Variants in MAP3K4 observed in about 807,000 individuals in gnomAD.
The protein encoded by MAP3K4 is mitogen-activated protein kinase kinase kinase 4.
MAP3K4 carries 67 observed loss-of-function variants against 185.6 expected under a neutral mutation model. The ratio of observed to expected loss-of-function variants is 0.36; its 90% confidence interval spans 0.30 to 0.44. The LOEUF (loss-of-function observed/expected upper bound fraction) is 0.44, where lower values mean the gene tolerates loss of function less well. MAP3K4 is among the 20% of genes least tolerant of loss of function. The pLI is 1.00. For synonymous variants in MAP3K4, 702 were observed against 710.4 expected, an observed-to-expected ratio of 0.99 and a Z score of 0.19; for missense variants, 1,551 against 1,995.1, an observed-to-expected ratio of 0.78 and a Z score of 4.24.
In MAP3K4 at chr6:161,071,451, A is replaced by G. The variant is rs1784939597; in HGVS notation, c.1950+601A>G. On this transcript the variant is annotated intron_variant, in intron 4 of 26. Transcript: ENST00000392142. The surrounding 1 kb of genome is among the most constrained non-coding windows in gnomAD (Gnocchi z 4.6). The stretch of plus-strand genomic sequence containing the variant: ...TATTGATATTCACCATATAAAGTAA[A>G]AATTTCCAGACCTTGTCCCCAAAAG... Among the ~76,000 whole-genome samples the G allele has an allele frequency of 6.6e-6, 1 of 152,166 alleles. No homozygotes were observed. The highest frequency in any genetic ancestry group is 2.1e-4 in the South Asian group (1 of 4,820).
chr6:161,061,580 CT>C lies in MAP3K4; in HGVS notation c.1708-9027del, dbSNP rs1784487443. 1.3e-5 allele frequency among the ~76,000 whole-genome samples: 2 copies of C among 152,204 alleles called. No homozygotes were observed. The highest frequency in any genetic ancestry group is 4.1e-4 in the South Asian group (2 of 4,832). On this transcript the variant is annotated intron_variant, in intron 3 of 26. Coordinates refer to ENST00000392142, the MANE Select transcript of MAP3K4 (RefSeq NM_005922.4). The surrounding 1 kb of genome is among the most constrained non-coding windows in gnomAD (Gnocchi z 4.2). Reference sequence around the variant, plus strand: ...TAACTTTGGAACATTTTCATTGCCCCTAAAAGAAGTCCTGTACCCTTTAGCT... The same window carrying C: ...TAACTTTGGAACATTTTCATTGCCCCAAAAGAAGTCCTGTACCCTTTAGCT...
chr6:161,034,600 T>A lies in MAP3K4; in HGVS notation c.343+151T>A. 1 of 639,936 alleles carries A rather than the reference T, an allele frequency of 1.6e-6. No homozygotes were observed. Among genetic ancestry groups the A allele is most frequent in the Non-Finnish European group, 2.6e-6 (1 of 383,916 alleles). The allele number at this position is 639,936 out of a possible 1,614,324, so 39.6% of individuals were successfully genotyped here. ...TTTTTTTGAATTATTACCATTAGTATTAATAAAATTGACACATAGTTTTCC... is the reference window on the plus strand; with the variant it reads ...TTTTTTTGAATTATTACCATTAGTAATAATAAAATTGACACATAGTTTTCC... On this transcript the variant is annotated intron_variant, in intron 2 of 26. Coordinates refer to ENST00000392142, the MANE Select transcript of MAP3K4 (RefSeq NM_005922.4). The surrounding 1 kb of genome is among the most constrained non-coding windows in gnomAD (Gnocchi z 4.4).
At chr6:161,041,926 C>G (rs11756924) in intron 2 of MAP3K4, among the ~76,000 whole-genome samples, 1 of 45,180 alleles carries the variant, frequency 2.2e-5, no homozygotes, top group Non-Finnish European at 4.9e-5. Context: ...TTTTTTTTTT[C>G]TTTTTTTTTT....
At position 161,074,507 on chromosome 6, in the gene MAP3K4, C is replaced by T. The variant is rs1160735032; in HGVS notation, c.2097+895C>T. Among the ~76,000 whole-genome samples the T allele has an allele frequency of 6.6e-6, 1 of 152,154 alleles. No individual in the cohort carries two copies. Among genetic ancestry groups the T allele is most frequent in the Non-Finnish European group, 1.5e-5 (1 of 68,016 alleles). ...TATACCTTCTTTGAACTCTTTTTAG[C>T]AGTTACAGTTAGAACTATATGGTTT... On this transcript the variant is annotated intron_variant, in intron 5 of 26. Coordinates refer to ENST00000392142, the MANE Select transcript of MAP3K4 (RefSeq NM_005922.4). This position sits in a 1 kb window ranked among gnomAD's most constrained non-coding sequence, Gnocchi z 5.0.
rs1451651997 is a variant in MAP3K4, at chr6:161,103,335, CT to C, written c.3856+558del. Among the ~76,000 whole-genome samples, 1 of 152,204 alleles carries C rather than the reference CT, an allele frequency of 6.6e-6. No individual in the cohort carries two copies. Among genetic ancestry groups the C allele is most frequent in the Non-Finnish European group, 1.5e-5 (1 of 68,032 alleles). ...ATGAGAGGGTGAGGACCAGAAGGCA[CT>C]TGTCTCAAGTCTAGCGCACTCCATG... On this transcript the variant is annotated intron_variant, in intron 19 of 26. Coordinates refer to ENST00000392142, the MANE Select transcript of MAP3K4 (RefSeq NM_005922.4). This position sits in a 1 kb window ranked among gnomAD's most constrained non-coding sequence, Gnocchi z 4.6.
intron 3 of MAP3K4, among the ~76,000 whole-genome samples, chr6:161,065,895 G>A (rs972489887): frequency 1.7e-5 from 2 of 119,698 alleles, no homozygotes; most frequent in East Asian, 2.6e-4. Context: ...CCGAGATCGC[G>A]CCACTGCACT....
Position 161,087,979 on chromosome 6 carries a change from G to A in MAP3K4, c.2823+25G>A. ...GGTACAGCTCATCTCCATCTTTGCA[G>A]CAGTGTTACTTCAAGGACTTTTAGT... On this transcript the variant is annotated intron_variant, in intron 10 of 26. Coordinates refer to ENST00000392142, the MANE Select transcript of MAP3K4 (RefSeq NM_005922.4). This position sits in a 1 kb window ranked among gnomAD's most constrained non-coding sequence, Gnocchi z 4.9. 3.1e-6 allele frequency: 5 copies of A among 1,592,328 alleles called. No homozygotes were observed. The highest frequency in any genetic ancestry group is 3.4e-6 in the Non-Finnish European group (4 of 1,172,986).
At position 161,086,037 on chromosome 6, in the gene MAP3K4, AT is replaced by A. The variant is rs1785694637; in HGVS notation, c.2373-339del. On this transcript the variant is annotated intron_variant, in intron 7 of 26. Coordinates refer to ENST00000392142, the MANE Select transcript of MAP3K4 (RefSeq NM_005922.4). The surrounding 1 kb of genome is among the most constrained non-coding windows in gnomAD (Gnocchi z 4.8). ...ATATTTCCCAGATCACACTGTATAG[AT>A]TTCTTTTTAGATTACGAGCCAGGAG... Among the ~76,000 whole-genome samples, 1 of 152,194 alleles carries A rather than the reference AT, an allele frequency of 6.6e-6. No homozygotes were observed. Among genetic ancestry groups the A allele is most frequent in the Non-Finnish European group, 1.5e-5 (1 of 68,030 alleles).
rs1207698632 is a variant in MAP3K4 at position 161,087,780 on chromosome 6, T to C, written c.2649T>C (p.Ala883=). ...KSIILQLLNA[A]AGKDCSKDSD... Reference sequence around the variant, plus strand: ...TTATTTTGCAGTTACTCAATGCAGCTGCAGGAAAGGACTGTTCAAAAGATT... The same window carrying C: ...TTATTTTGCAGTTACTCAATGCAGCCGCAGGAAAGGACTGTTCAAAAGATT... Residue 883 remains alanine (A), a synonymous_variant, in exon 10 of 27, where the codon GCT becomes GCC. Coordinates refer to ENST00000392142, the MANE Select transcript of MAP3K4 (RefSeq NM_005922.4). This position sits in a 1 kb window ranked among gnomAD's most constrained non-coding sequence, Gnocchi z 4.9. The C allele has an allele frequency of 1.9e-6, 3 of 1,614,200 alleles. No homozygotes were observed. The highest frequency in any genetic ancestry group is 2.5e-6 in the Non-Finnish European group (3 of 1,180,018).
intron 3 of MAP3K4, among the ~76,000 whole-genome samples, chr6:161,058,835 A>G (rs1206859285): frequency 6.6e-6 from 1 of 152,074 alleles, no homozygotes; most frequent in Admixed American, 6.5e-5. Context: ...TGAATGTACC[A>G]TAACTTATTT....
intron 1 of MAP3K4, among the ~76,000 whole-genome samples, chr6:161,028,302 G>C (rs1000767178): frequency 2.0e-5 from 3 of 151,686 alleles, no homozygotes; most frequent in African/African-American, 7.3e-5. Flanking sequence ...CTAAATTAAA[G>C]TGTTTACAAG....
chr6:161,024,449 G>A (rs1388153223), intron 1 of MAP3K4, among the ~76,000 whole-genome samples: 3 of 152,038 alleles, frequency 2.0e-5, no homozygotes, highest in Admixed American at 2.0e-4. Flanking sequence ...GATTTCATTT[G>A]TTTTCCCCAC....
intron 1 of MAP3K4, among the ~76,000 whole-genome samples, chr6:160,997,473 G>A (rs970824305): frequency 2.6e-5 from 4 of 152,174 alleles, no homozygotes; most frequent in Non-Finnish European, 2.9e-5. Flanking sequence ...TTTTTAAATA[G>A]TGTTTAGTGA....
intron 1 of MAP3K4, among the ~76,000 whole-genome samples, chr6:160,994,574 GA>G: frequency 6.6e-6 from 1 of 152,236 alleles, no homozygotes; most frequent in East Asian, 1.9e-4. Flanking sequence ...TTGCAGTTGT[GA>G]ATTGCGAATT....
At chr6:161,062,810 T>C (rs1784540008) in intron 3 of MAP3K4, among the ~76,000 whole-genome samples, 1 of 152,210 alleles carries the variant, frequency 6.6e-6, no homozygotes, top group Admixed American at 6.5e-5. Context: ...TTTACAGTGT[T>C]GGTTTTTCCA....
chr6:160,992,249 C>T (rs1780752459), intron 1 of MAP3K4, 166 bp downstream of exon 1: 3 of 966,844 alleles, frequency 3.1e-6, no homozygotes, highest in Non-Finnish European at 2.9e-6. Flanking sequence ...TCCCAGGGGA[C>T]CGCGTCTGAG....
intron 1 of MAP3K4, among the ~76,000 whole-genome samples, chr6:161,000,826 TGCACACATACACATGTGTAC>T (rs913552197): frequency 4.2e-5 from 6 of 144,448 alleles, no homozygotes; most frequent in African/African-American, 1.7e-4. Context: ...CACATGTGTA[TGCACACATACACATGTGTAC>T]GCACATATAC....
intron 1 of MAP3K4, among the ~76,000 whole-genome samples, chr6:161,024,336 T>C (rs899143548): frequency 2.0e-5 from 3 of 152,164 alleles, no homozygotes; most frequent in Admixed American, 6.5e-5. Flanking sequence ...TACCCTATGC[T>C]CAGTTTCCCC....
rs574530032 is a variant in MAP3K4, at chr6:161,082,435, T to C, written c.2255+1397T>C. Reference sequence around the variant, plus strand: ...TTCCTCTTGTCAGTCTTTGTGTTTCTATCTTTTGCTTGTCCTTCAAATTCC... The same window carrying C: ...TTCCTCTTGTCAGTCTTTGTGTTTCCATCTTTTGCTTGTCCTTCAAATTCC... On this transcript the variant is annotated intron_variant, in intron 6 of 26. Transcript: ENST00000392142. The surrounding 1 kb of genome is among the most constrained non-coding windows in gnomAD (Gnocchi z 4.2). Among the ~76,000 whole-genome samples, 11 of 27,606 alleles carry C rather than the reference T, an allele frequency of 4.0e-4. No homozygotes were observed. The East Asian group carries it at 0.033, about 82-fold the overall frequency. The allele number at this position is 27,606 out of a possible 152,430, so 18.1% of individuals were successfully genotyped here. A position where few individuals can be genotyped will look rare whatever the true frequency, so the allele number is the denominator to read the frequency against.
Sources: gnomAD v4.1 joint callset for allele counts (sites outside exome capture counted in the v4.1 genomes callset) on GRCh38, gnomAD v4.1.1 for gene constraint, Gnocchi (gnomAD v3.1) non-coding constraint, MANE v1.5 for transcripts, NCBI Gene and HGNC (gene_info 2026-07-23, HGNC 2026-07-21) for gene names.